The following IGF2BP1 variants were observed in gnomAD, a reference collection of about 807,000 sequenced individuals.
IGF2BP1 encodes the protein insulin like growth factor 2 mRNA binding protein 1, also known as insulin-like growth factor 2 mRNA-binding protein 1.
Under a neutral mutation model 74.9 loss-of-function variants are expected in IGF2BP1, and 11 were observed. The observed-to-expected ratio is 0.15, with a 90% CI of 0.09 to 0.24. The LOEUF is 0.24. Among genes scored for constraint, IGF2BP1 ranks in the 10% least tolerant of loss-of-function variants. IGF2BP1 has a pLI of 1.00. For synonymous variants in IGF2BP1, 287 were observed against 281.8 expected, an observed-to-expected ratio of 1.02 and a Z score of -0.18; for missense variants, 440 against 757.4, an observed-to-expected ratio of 0.58 and a Z score of 4.92.
chr17:49,032,007 G>A, intron 5 of IGF2BP1, 34 bp downstream of exon 5: 3 of 833,972 alleles, frequency 3.6e-6, no homozygotes, highest in Non-Finnish European at 4.9e-6. Context: ...TGGGTGCGGT[G>A]GGGGGGGGTT....
At chr17:49,042,063 C>A (rs373611159) in intron 8 of IGF2BP1, among the ~76,000 whole-genome samples, 179 bp from the exon 9 acceptor site, 1 of 152,156 alleles carries the variant, frequency 6.6e-6, no homozygotes, top group Non-Finnish European at 1.5e-5. Context: ...TCCATCTTAC[C>A]CCCTGCCCTG....
chr17:49,023,955 T>A (rs943837916), intron 2 of IGF2BP1, among the ~76,000 whole-genome samples: 1 of 151,472 alleles, frequency 6.6e-6, no homozygotes, highest in East Asian at 1.9e-4. Flanking sequence ...CTCATTCTGT[T>A]GCCCAGGCTG....
At position 48,997,941 on chromosome 17, in the gene IGF2BP1, C is replaced by A. The variant is rs369687043; in HGVS notation, c.175+21C>A. 2 of 1,609,228 alleles carry A rather than the reference C, an allele frequency of 1.2e-6. No individual in the cohort carries two copies. Among genetic ancestry groups the A allele is most frequent in the African/African-American group, 1.3e-5 (1 of 74,780 alleles). On this transcript the variant is annotated intron_variant, in intron 1 of 14. Transcript: ENST00000290341. The surrounding 1 kb of genome is among the most constrained non-coding windows in gnomAD (Gnocchi z 4.8). ...CTCCGGTAAGAACACAGCCACCTCC[C>A]GGAAAAGCCACAACGAGAGCCCCGA...
chr17:49,049,228 T>TTC lies in IGF2BP1; in HGVS notation c.1642-122_1642-121dup, dbSNP rs1262069758. ...CAACCCTCATTCTTCCTCTTTATCT[T>TTC]TCTTCTGAGTCCTGTGTGACCTGTT... On this transcript the variant is annotated intron_variant, in intron 14 of 14. Transcript: ENST00000290341. 59 of 709,552 alleles carry TTC rather than the reference T, an allele frequency of 8.3e-5. No homozygotes were observed. The East Asian group carries it at 1.7e-3, about 20-fold the overall frequency. 44.0% of individuals were successfully genotyped at this position (709,552 alleles called of 1,614,324 possible).
chr17:49,055,836 G>GTTTTTTTTTTTTTTTTTTTTTTTTT lies in IGF2BP1; in HGVS notation c.*6414_*6415insTTTTTTTTTTTTTTTTTTTTTTTTT, dbSNP rs59508101. Among the ~76,000 whole-genome samples the GTTTTTTTTTTTTTTTTTTTTTTTTT allele has an allele frequency of 7.9e-6, 1 of 125,892 alleles. No individual in the cohort carries two copies. The highest frequency in any genetic ancestry group is 1.6e-5 in the Non-Finnish European group (1 of 61,610). The allele number at this position is 125,892 out of a possible 152,430, so 82.6% of individuals were successfully genotyped here. On this transcript the variant is annotated 3_prime_UTR_variant, in exon 15 of 15. Coordinates refer to ENST00000290341, the MANE Select transcript of IGF2BP1 (RefSeq NM_006546.4). ...AGCTGGAGGCCTACTGCTTGGGACAGTTTTTTTTTTTTTTTTTTTTTTAAA... is the reference window on the plus strand; with the variant it reads ...AGCTGGAGGCCTACTGCTTGGGACAGTTTTTTTTTTTTTTTTTTTTTTTTTTTTTTTTTTTTTTTTTTTTTTTAAA...
intron 2 of IGF2BP1, chr17:49,014,981 G>T: frequency 1.0e-6 from 1 of 975,996 alleles, no homozygotes; most frequent in Non-Finnish European, 1.2e-6. Context: ...GCCTTCCACT[G>T]GGCACCAGCT....
At chr17:49,044,962 C>T in intron 11 of IGF2BP1, 29 bp from the exon 12 acceptor site, 1 of 1,593,254 alleles carries the variant, frequency 6.3e-7, no homozygotes, top group Non-Finnish European at 8.6e-7. Context: ...CATAGAGGGT[C>T]CCTCATTGAC....
intron 8 of IGF2BP1, 31 bp from the exon 9 acceptor site, chr17:49,042,211 T>G (rs2042060001): frequency 1.2e-6 from 2 of 1,613,816 alleles, no homozygotes; most frequent in East Asian, 2.2e-5. Context: ...GGCCTGCCAG[T>G]GAAAGGACAC....
intron 1 of IGF2BP1, among the ~76,000 whole-genome samples, chr17:48,998,442 TGCCTCCC>T (rs2041436848): frequency 6.6e-6 from 1 of 152,216 alleles, no homozygotes; most frequent in Admixed American, 6.5e-5. Context: ...AAGGGGGTCT[TGCCTCCC>T]GCCCAGGGCC....
chr17:49,007,113 G>GT (rs2041559427), intron 2 of IGF2BP1, among the ~76,000 whole-genome samples: 1 of 152,136 alleles, frequency 6.6e-6, no homozygotes, highest in African/African-American at 2.4e-5. Flanking sequence ...GAAGGGGACT[G>GT]TAAGAATCCT....
intron 5 of IGF2BP1, among the ~76,000 whole-genome samples, chr17:49,034,753 A>AC (rs2041966090): frequency 7.7e-6 from 1 of 129,170 alleles, no homozygotes; most frequent in African/African-American, 3.3e-5. Context: ...AACACAAAAA[A>AC]AACAAAAAAA....
Position 49,042,246 on chromosome 17 carries a change from C to G in IGF2BP1, c.946C>G (p.Gln316Glu). The G allele has an allele frequency of 6.2e-7, 1 of 1,614,182 alleles. No individual in the cohort carries two copies. The highest frequency in any genetic ancestry group is 8.5e-7 in the Non-Finnish European group (1 of 1,180,034). The part of the protein sequence containing the change: ...TETKITISSL[Q>E]DLTLYNPERT... ...CAACTCTGCTCTTTCTGCCAGGTTG[C>G]AAGACCTTACCCTTTACAACCCTGA... Residue 316 changes from glutamine (Q) to glutamate (E), a missense_variant, in exon 9 of 15, where the codon CAA becomes GAA. Around this residue, in one of 5 missense-constraint regions of IGF2BP1, gnomAD observed 184 missense variants for 273.4 expected, o/e 0.67. Coordinates refer to ENST00000290341, the MANE Select transcript of IGF2BP1 (RefSeq NM_006546.4).
chr17:49,029,783 G>A (rs1040533579), intron 4 of IGF2BP1, among the ~76,000 whole-genome samples: 1 of 150,816 alleles, frequency 6.6e-6, no homozygotes, highest in African/African-American at 2.4e-5. Context: ...GTTTACTACT[G>A]CACCCGGCTG....
intron 2 of IGF2BP1, among the ~76,000 whole-genome samples, chr17:49,007,535 C>T (rs78230588): frequency 0.012 from 1,763 of 152,308 alleles, 42 homozygotes; most frequent in African/African-American, 0.039. Flanking sequence ...GCTTCCCATC[C>T]GGATGTGGTT....
chr17:49,016,434 T>G (rs185131775), intron 2 of IGF2BP1, among the ~76,000 whole-genome samples: 2 of 152,250 alleles, frequency 1.3e-5, no homozygotes, highest in South Asian at 2.1e-4. Context: ...TGTGTGTGTG[T>G]GGGATCATAT....
chr17:49,000,285 G>A lies in IGF2BP1; in HGVS notation c.236+1116G>A, dbSNP rs574662077. 3.1e-4 allele frequency among the ~76,000 whole-genome samples: 47 copies of A among 152,188 alleles called. No individual in the cohort carries two copies. The East Asian group carries it at 8.9e-3, about 29-fold the overall frequency. Reference sequence around the variant, plus strand: ...TCTGGCCTTTTCCGGGTAGATGGGAGATGATGACTGCTTTTTCTGGGGGAC... The same window carrying A: ...TCTGGCCTTTTCCGGGTAGATGGGAAATGATGACTGCTTTTTCTGGGGGAC... On this transcript the variant is annotated intron_variant, in intron 2 of 14. Transcript: ENST00000290341.
At chr17:49,022,229 C>T (rs1238762472) in intron 2 of IGF2BP1, among the ~76,000 whole-genome samples, 1 of 152,166 alleles carries the variant, frequency 6.6e-6, no homozygotes, top group East Asian at 1.9e-4. Flanking sequence ...ACCAGGCCTT[C>T]TCTAAGTGTT....
At chr17:49,024,200 G>A (rs1405791616) in intron 2 of IGF2BP1, among the ~76,000 whole-genome samples, 5 of 150,128 alleles carry the variant, frequency 3.3e-5, no homozygotes, top group Non-Finnish European at 7.4e-5. Flanking sequence ...CAAAGTGTTG[G>A]GATTACAGGC....
In IGF2BP1 at chr17:49,043,845, A is replaced by G. The variant is rs112971112; in HGVS notation, c.1201-122A>G. The stretch of plus-strand genomic sequence containing the variant: ...TAAAGAGCTCACAGCATCCCTTGGC[A>G]GCCCAGGGTGGCGGTTTGGTGCCTG... On this transcript the variant is annotated intron_variant, in intron 10 of 14. Coordinates refer to ENST00000290341, the MANE Select transcript of IGF2BP1 (RefSeq NM_006546.4). 2.1e-3 allele frequency: 2,915 copies of G among 1,375,522 alleles called. 21 individuals are homozygous for G. Among genetic ancestry groups the G allele is most frequent in the Admixed American group, 0.02 (912 of 45,442 alleles). 85.2% of individuals were successfully genotyped at this position (1,375,522 alleles called of 1,614,324 possible).
Sources: allele counts gnomAD v4.1 joint callset (sites outside exome capture counted in the v4.1 genomes callset), GRCh38; gene constraint gnomAD v4.1.1; regional missense constraint gnomAD v4.1.1; non-coding constraint Gnocchi (gnomAD v3.1); transcripts MANE v1.5; gene names NCBI Gene and HGNC (gene_info 2026-07-23, HGNC 2026-07-21).